The following SNRNP70 variants were observed in gnomAD, a reference collection of about 807,000 sequenced individuals.
The protein encoded by SNRNP70 is U1 small nuclear ribonucleoprotein 70 kDa.
Under a neutral mutation model 50.5 loss-of-function variants are expected in SNRNP70, and 8 were observed. The ratio of observed to expected loss-of-function variants is 0.16; its 90% CI spans 0.09 to 0.29. The LOEUF (loss-of-function observed/expected upper bound fraction) is 0.29. Among genes scored for constraint, SNRNP70 ranks in the 10% least tolerant of loss-of-function variants. The probability of loss-of-function intolerance (pLI) is 1.00; values close to 1 mark genes in which losing one functional copy is unlikely to be tolerated. For synonymous variants in SNRNP70, 320 were observed against 252.9 expected (o/e 1.27, Z -2.52); for missense variants, 529 against 663.5 (o/e 0.80, Z 2.23).
intron 8 of SNRNP70, among the ~76,000 whole-genome samples, chr19:49,105,793 C>T (rs1480015234): frequency 6.6e-6 from 1 of 152,144 alleles, no homozygotes. Flanking sequence ...CAGCCCACAG[C>T]TTGCTTCTGC....
rs1364291091 is a variant in SNRNP70 at position 49,085,521 on chromosome 19, A to G, written c.-126A>G. ...CGCTCGCTTAGCGGGCGACGGAATC[A>G]GACGGACGTGGACGCCCCCGGAGTG... On this transcript the variant is annotated 5_prime_UTR_variant, in exon 1 of 10. Transcript: ENST00000598441. The G allele has an allele frequency of 1.3e-5, 6 of 455,476 alleles. No homozygotes were observed. The highest frequency in any genetic ancestry group is 2.6e-5 in the Non-Finnish European group (6 of 226,556). 28.2% of individuals were successfully genotyped at this position (455,476 alleles called of 1,614,324 possible).
rs530861261 is a variant in SNRNP70 at position 49,089,773 on chromosome 19, C to A, written c.148-518C>A. Among the ~76,000 whole-genome samples, 15 of 149,092 alleles carry A rather than the reference C, an allele frequency of 1.0e-4. No individual in the cohort carries two copies. In the East Asian group the frequency reaches 2.9e-3, roughly 29 times the overall value. On this transcript the variant is annotated intron_variant, in intron 2 of 9. Coordinates refer to ENST00000598441, the MANE Select transcript of SNRNP70 (RefSeq NM_003089.6). ...CGCCTCCTGGGTTCATGCCATTCTC[C>A]TGCCTCAGCCTCCCGAGTAGCTGGG... is the stretch of plus-strand genomic sequence containing the variant.
rs2040380265 is a variant in SNRNP70, at chr19:49,086,399, T to G, written c.-10-6T>G. The G allele has an allele frequency of 6.2e-7, 1 of 1,611,306 alleles. No individual in the cohort carries two copies. The highest frequency in any genetic ancestry group is 8.5e-7 in the Non-Finnish European group (1 of 1,178,440). ...TAACCTAAGGCTGTCCTGCTTCTGC[T>G]CTCAGACTTGGCAAGATGACCCAGT... On this transcript the variant is annotated splice_polypyrimidine_tract_variant and splice_region_variant and intron_variant, in intron 1 of 9. Transcript: ENST00000598441.
chr19:49,086,314 C>T (rs373730649), intron 1 of SNRNP70, 91 bp from the exon 2 acceptor site: 8 of 1,405,018 alleles, frequency 5.7e-6, no homozygotes, highest in East Asian at 2.4e-5. Flanking sequence ...GACTTTTCTC[C>T]TGTCTTTCTT....
chr19:49,101,661 T>TC (rs927138573), intron 7 of SNRNP70, 190 bp downstream of exon 7: 1 of 581,778 alleles, frequency 1.7e-6, no homozygotes, highest in South Asian at 2.0e-5. Context: ...AAAAACCAAA[T>TC]CCCCCACAAC....
In SNRNP70 at chr19:49,090,342, A is replaced by C; in HGVS notation, c.199A>C (p.Met67Leu). 1 of 1,613,954 alleles carries C rather than the reference A, an allele frequency of 6.2e-7. No homozygotes were observed. The highest frequency in any genetic ancestry group is 8.5e-7 in the Non-Finnish European group (1 of 1,179,972). Reference protein sequence around the residue: ...PTRAETREERMERKRREKIER... With the variant: ...PTRAETREERLERKRREKIER... ...TCGTGCTGAAACCCGAGAGGAGCGC[A>C]TGGAGAGGAAAGTATGTCATTTTTG... Residue 67 changes from methionine to leucine, a missense_variant, in exon 3 of 10, where the codon ATG (methionine) becomes CTG (leucine). Transcript: ENST00000598441.
chr19:49,085,490 C>G lies in SNRNP70; in HGVS notation c.-157C>G, dbSNP rs142330940. The G allele has an allele frequency of 3.3e-5, 15 of 452,796 alleles. No individual in the cohort carries two copies. Among genetic ancestry groups the G allele is most frequent in the African/African-American group, 2.0e-4 (10 of 49,896 alleles). 28.0% of individuals were successfully genotyped at this position (452,796 alleles called of 1,614,324 possible). ...GCCGCGCGGGTGGCTGAGCAGCGGC[C>G]TGGTGCGCTCGCTTAGCGGGCGACG... is the stretch of plus-strand genomic sequence containing the variant. On this transcript the variant is annotated 5_prime_UTR_variant, in exon 1 of 10. Coordinates refer to ENST00000598441, the MANE Select transcript of SNRNP70 (RefSeq NM_003089.6).
At chr19:49,105,789 A>C (rs1431055190) in intron 8 of SNRNP70, among the ~76,000 whole-genome samples, 1 of 151,590 alleles carries the variant, frequency 6.6e-6, no homozygotes, top group Non-Finnish European at 1.5e-5. Flanking sequence ...GTGACAGCCC[A>C]CAGCTTGCTT....
rs142356350 is a variant in SNRNP70, at chr19:49,089,360, C to T, written c.148-931C>T. On this transcript the variant is annotated intron_variant, in intron 2 of 9. Coordinates refer to ENST00000598441, the MANE Select transcript of SNRNP70 (RefSeq NM_003089.6). ...AGTTGCTGGGTTCCTTTTAGAGAGA[C>T]GGGCACAGGGGGGAAAGCAGGGCTT... Among the ~76,000 whole-genome samples the T allele has an allele frequency of 4.0e-5, 6 of 151,894 alleles. No homozygotes were observed. The East Asian group carries it at 7.8e-4, about 20-fold the overall frequency.
chr19:49,094,040 A>G (rs2040483734), intron 4 of SNRNP70, among the ~76,000 whole-genome samples: 1 of 152,042 alleles, frequency 6.6e-6, no homozygotes, highest in Non-Finnish European at 1.5e-5. Context: ...CAAACAAGTA[A>G]GTTCCAATTG....
At chr19:49,099,310 G>A (rs995765112) in intron 6 of SNRNP70, among the ~76,000 whole-genome samples, 5 of 152,262 alleles carry the variant, frequency 3.3e-5, no homozygotes, top group African/African-American at 1.2e-4. Context: ...GTCAGGCCGG[G>A]TGCAATGGCT....
rs372534575 is a variant in SNRNP70 at position 49,108,236 on chromosome 19, T to TCGTGACCGTGAC, written c.1116_1127dup (p.Asp373_Arg376dup). The TCGTGACCGTGAC allele has an allele frequency of 5.2e-6, 8 of 1,539,520 alleles. No homozygotes were observed. In the East Asian group the frequency reaches 7.3e-5, roughly 14 times the overall value. ...AGCGCGAGCGGCGCCGGGACCGGGA[T>TCGTGACCGTGAC]CGTGACCGTGACCGTGACCGCGAGC... On this transcript the variant is annotated inframe_insertion, in exon 10 of 10. Coordinates refer to ENST00000598441, the MANE Select transcript of SNRNP70 (RefSeq NM_003089.6).
At position 49,104,729 on chromosome 19, in the gene SNRNP70, C is replaced by T. The variant is rs972739283; in HGVS notation, c.571C>T (p.Arg191Trp). 10 of 1,543,012 alleles carry T rather than the reference C, an allele frequency of 6.5e-6. No individual in the cohort carries two copies. The highest frequency in any genetic ancestry group is 1.2e-5 in the South Asian group (1 of 83,100). Residue 191 changes from arginine (R) to tryptophan (W), a missense_variant, in exon 8 of 10, where the codon CGG (arginine) becomes TGG (tryptophan). By Grantham distance (101) the Arg-to-Trp change is moderately radical (BLOSUM62 -3). Transcript: ENST00000598441. The surrounding 1 kb of genome is among the most constrained non-coding windows in gnomAD (Gnocchi z 5.4). ...GRTVKGWRPR[R>W]LGGGLGGTRR... is the part of the protein sequence containing the mutation. ...AACCGTGAAGGGCTGGAGGCCCCGG[C>T]GGCTAGGTGAGCACATCCTGCCTTC...
chr19:49,092,728 C>T (rs546146213), intron 4 of SNRNP70, among the ~76,000 whole-genome samples: 1 of 151,980 alleles, frequency 6.6e-6, no homozygotes, highest in African/African-American at 2.4e-5. Flanking sequence ...TATATCTTAA[C>T]CAACCACATC....
intron 2 of SNRNP70, chr19:49,087,681 C>G (rs4802552): frequency 6.6e-6 from 1 of 152,066 alleles, no homozygotes; most frequent in African/African-American, 2.4e-5. Flanking sequence ...AGCTGGCACA[C>G]AGTCGGAAGT....
At chr19:49,099,607 CG>C (rs1024288374) in intron 6 of SNRNP70, among the ~76,000 whole-genome samples, 2 of 151,242 alleles carry the variant, frequency 1.3e-5, no homozygotes, top group African/African-American at 4.9e-5. Flanking sequence ...GGCATGATAG[CG>C]GGCGCCCGTA....
chr19:49,104,544 C>T lies in SNRNP70; in HGVS notation c.476-90C>T, dbSNP rs775242783. On this transcript the variant is annotated intron_variant, in intron 7 of 9. Coordinates refer to ENST00000598441, the MANE Select transcript of SNRNP70 (RefSeq NM_003089.6). The surrounding 1 kb of genome is among the most constrained non-coding windows in gnomAD (Gnocchi z 5.4). ...GTGCGTGTGCGTGATGATGGGGACA[C>T]GGGGCGGGGATTCTGTAGAGCTGGG... The T allele has an allele frequency of 3.5e-5, 34 of 968,136 alleles. No individual in the cohort carries two copies. Among genetic ancestry groups the T allele is most frequent in the East Asian group, 1.6e-4 (6 of 37,866 alleles). 60.0% of individuals were successfully genotyped at this position (968,136 alleles called of 1,614,324 possible).
intron 6 of SNRNP70, among the ~76,000 whole-genome samples, chr19:49,100,460 G>A (rs957031519): frequency 3.9e-5 from 6 of 152,204 alleles, no homozygotes; most frequent in East Asian, 1.9e-4. Context: ...ATCGTGCCAC[G>A]TTCTCTCAAG....
At chr19:49,099,401 T>C (rs1033059237) in intron 6 of SNRNP70, among the ~76,000 whole-genome samples, 1 of 151,148 alleles carries the variant, frequency 6.6e-6, no homozygotes, top group African/African-American at 2.4e-5. Flanking sequence ...GCCTGGGCAA[T>C]ATAGCAAGAC....
Sources: allele counts gnomAD v4.1 joint callset (sites outside exome capture counted in the v4.1 genomes callset), GRCh38; gene constraint gnomAD v4.1.1; non-coding constraint Gnocchi (gnomAD v3.1); transcripts MANE v1.5; gene names NCBI Gene and HGNC (gene_info 2026-07-23, HGNC 2026-07-21).